The following ZNF124 variants were observed in gnomAD, a reference collection of about 807,000 sequenced individuals.
The protein encoded by ZNF124 is zinc finger protein 124, also known as zinc finger protein HZF-16.
ZNF124 carries 25 observed loss-of-function variants against 26.6 expected under a neutral mutation model. That is an observed-to-expected ratio of 0.94 (90% CI 0.68 to 1.31). The LOEUF (loss-of-function observed/expected upper bound fraction) is 1.31, where lower values mean the gene tolerates loss of function less well. ZNF124 is among the 40% of genes most tolerant of loss of function. The pLI is 0.00. For synonymous variants in ZNF124, 129 were observed against 133.3 expected (o/e 0.97, Z 0.22); for missense variants, 444 against 422.2 (o/e 1.05, Z -0.45).
chr1:247,131,611 G>A (rs1261734419), intron 3 of ZNF124, among the ~76,000 whole-genome samples: 1 of 152,254 alleles, frequency 6.6e-6, no homozygotes, highest in East Asian at 1.9e-4. Context: ...TAGCCAGGGA[G>A]GCTGTACAGC....
chr1:247,134,003 A>G (rs558044487), intron 3 of ZNF124, among the ~76,000 whole-genome samples: 1 of 152,202 alleles, frequency 6.6e-6, no homozygotes, highest in Non-Finnish European at 1.5e-5. Context: ...ATATTCAGCC[A>G]AACTAAGTTT....
chr1:247,156,447 G>T lies in ZNF124; in HGVS notation c.*119C>A. 2.2e-6 allele frequency: 3 copies of T among 1,341,976 alleles called. No homozygotes were observed. The highest frequency in any genetic ancestry group is 1.5e-5 in the African/African-American group (1 of 66,426). 83.1% of individuals were successfully genotyped at this position (1,341,976 alleles called of 1,614,324 possible). Reference sequence around the variant, plus strand: ...ATAGGGTTTATCTCCAGTTTGATTCGTTTCATGTATTTGAGGAAATCTGGG... The same window carrying T: ...ATAGGGTTTATCTCCAGTTTGATTCTTTTCATGTATTTGAGGAAATCTGGG... On this transcript the variant is annotated 3_prime_UTR_variant, in exon 4 of 4. Transcript: ENST00000543802.
At chr1:247,122,830 T>C (rs1410944201) in exon 4 of ZNF124, 1 of 152,272 alleles carries the variant, frequency 6.6e-6, no homozygotes, top group Non-Finnish European at 1.5e-5. Context: ...TTCACGGTGC[T>C]ACAGAGAGAT....
chr1:247,170,573 G>A (rs935907480), intron 1 of ZNF124, among the ~76,000 whole-genome samples: 1 of 144,136 alleles, frequency 6.9e-6, no homozygotes, highest in Non-Finnish European at 1.5e-5. Context: ...CTCAGACACC[G>A]AGTTAAAGAA....
rs1450605521 is a variant in ZNF124 at position 247,123,994 on chromosome 1, A to C, written c.219-123T>G. On this transcript the variant is annotated intron_variant, in intron 3 of 3. Transcript: ENST00000472531. ...CAGGCACCCGCCACCACGCCCGGCT[A>C]ATTTTTTGTATTTTTAGTAGAGACG... 22 of 678,108 alleles carry C rather than the reference A, an allele frequency of 3.2e-5. No individual in the cohort carries two copies. In the Admixed American group the frequency reaches 4.4e-4, roughly 13 times the overall value. 42.0% of individuals were successfully genotyped at this position (678,108 alleles called of 1,614,324 possible).
At chr1:247,150,097 G>C (rs1016974685), downstream of ZNF124, 5 of 152,108 alleles carry the variant, frequency 3.3e-5, no homozygotes, top group African/African-American at 1.2e-4. Context: ...CTATTGTTTT[G>C]GAGTTTAAAG....
intron 1 of ZNF124, among the ~76,000 whole-genome samples, chr1:247,164,478 A>C (rs766835486): frequency 6.6e-6 from 1 of 152,226 alleles, no homozygotes; most frequent in Non-Finnish European, 1.5e-5. Flanking sequence ...GCAGAGAGCC[A>C]AATCAGGAAG....
chr1:247,143,233 A>G (rs1047541951), intron 3 of ZNF124, among the ~76,000 whole-genome samples: 1 of 152,190 alleles, frequency 6.6e-6, no homozygotes, highest in African/African-American at 2.4e-5. Flanking sequence ...ACACACCCAA[A>G]TGCCTATATA....
At chr1:247,140,311 TG>T (rs1672594500) in intron 3 of ZNF124, among the ~76,000 whole-genome samples, 1 of 152,252 alleles carries the variant, frequency 6.6e-6, no homozygotes, top group Non-Finnish European at 1.5e-5. Context: ...ATTCTTGTAG[TG>T]TGTTTTTCTG....
chr1:247,158,947 T>C lies in ZNF124; in HGVS notation c.218+59A>G, dbSNP rs1673313269. The C allele has an allele frequency of 2.7e-6, 4 of 1,506,812 alleles. No individual in the cohort carries two copies. In the East Asian group the frequency reaches 9.1e-5, roughly 34 times the overall value. The allele number at this position is 1,506,812 out of a possible 1,614,324, so 93.3% of individuals were successfully genotyped here. A position where few individuals can be genotyped will look rare whatever the true frequency, so the allele number is the denominator to read the frequency against. On this transcript the variant is annotated intron_variant, in intron 3 of 3. Transcript: ENST00000543802. ...CCTGGCCTTGTTTGCTTTAAACATA[T>C]GATTATATACTACAATTGACCCCAA...
intron 3 of ZNF124, among the ~76,000 whole-genome samples, chr1:247,133,215 A>G (rs1321885709): frequency 6.6e-6 from 1 of 152,184 alleles, no homozygotes; most frequent in Non-Finnish European, 1.5e-5. Context: ...CCTTACTGAA[A>G]TAAGACATGC....
chr1:247,124,954 T>C (rs111382994), intron 3 of ZNF124, among the ~76,000 whole-genome samples: 6,051 of 152,158 alleles, frequency 0.04, 409 homozygotes, highest in African/African-American at 0.14. Flanking sequence ...CACACCGCCA[T>C]GCCCGGCTAT....
At chr1:247,150,127 G>A (rs372844593), downstream of ZNF124, among the ~76,000 whole-genome samples, 220 of 152,192 alleles carry the variant, frequency 1.4e-3, no homozygotes, top group African/African-American at 5.2e-3. Flanking sequence ...GAATTTAGGC[G>A]GAGGACAAAC....
intron 3 of ZNF124, among the ~76,000 whole-genome samples, chr1:247,133,417 T>C (rs567481247): frequency 4.6e-5 from 7 of 151,902 alleles, no homozygotes; most frequent in Non-Finnish European, 1.0e-4. Context: ...CAGGCCAACA[T>C]GCAAATTCAG....
At chr1:247,138,810 C>T (rs1013194680) in intron 3 of ZNF124, 4 of 398,336 alleles carry the variant, frequency 1.0e-5, no homozygotes, top group African/African-American at 6.2e-5. Context: ...TGAGTGTGAA[C>T]ATGATTGACA....
intron 3 of ZNF124, chr1:247,157,614 T>C: frequency 3.3e-6 from 2 of 599,860 alleles, no homozygotes; most frequent in Non-Finnish European, 6.1e-6. Flanking sequence ...TATTTTCTTT[T>C]ATTACTAAGT....
chr1:247,124,451 G>A (rs540884764), intron 3 of ZNF124, among the ~76,000 whole-genome samples: 23 of 146,896 alleles, frequency 1.6e-4, no homozygotes, highest in South Asian at 1.1e-3. Flanking sequence ...TCTACCCGCC[G>A]CGGCTTCCCA....
chr1:247,159,016 T>G lies in ZNF124; in HGVS notation c.208A>C (p.Arg70=). 6.2e-7 allele frequency: 1 copy of G among 1,613,632 alleles called. No individual in the cohort carries two copies. Among genetic ancestry groups the G allele is most frequent in the Non-Finnish European group, 8.5e-7 (1 of 1,179,840 alleles). ...GTGAGGGCAAATTACCTTAGATTTC[T>G]TGAAGAATTTTTGTACTGATCTTCA... ...SIEDQYKNSS[R]NLRHIISHSG... The change falls in exon 3 of 4, where the codon AGA becomes CGA. Residue 70 remains arginine (R), a synonymous_variant. Coordinates refer to ENST00000543802, the MANE Select transcript of ZNF124 (RefSeq NM_001297568.2).
At chr1:247,145,998 G>A (rs2103109416) in intron 3 of ZNF124, among the ~76,000 whole-genome samples, 1 of 152,300 alleles carries the variant, frequency 6.6e-6, no homozygotes, top group South Asian at 2.1e-4. Flanking sequence ...AGCCTGAAAG[G>A]TTTCCTTTTT....
Sources: allele counts gnomAD v4.1 joint callset (sites outside exome capture counted in the v4.1 genomes callset), GRCh38; gene constraint gnomAD v4.1.1; transcripts MANE v1.5; gene names NCBI Gene and HGNC (gene_info 2026-07-23, HGNC 2026-07-21).